Variants in SGMS1 observed in about 807,000 individuals in gnomAD.
SGMS1 encodes the protein sphingomyelin synthase 1, also known as phosphatidylcholine:ceramide cholinephosphotransferase 1.
SGMS1 carries 13 observed loss-of-function variants against 46.2 expected under a neutral mutation model. The ratio of observed to expected loss-of-function variants is 0.28; its 90% CI spans 0.18 to 0.45. The LOEUF is 0.45. Ranked by LOEUF, SGMS1 falls within the 20% of genes least tolerant of loss-of-function variation. The pLI, the probability that SGMS1 is intolerant of heterozygous loss-of-function variation, is 1.00. For missense variants in SGMS1, 324 were observed against 519.9 expected, an observed-to-expected ratio of 0.62 and a Z score of 3.66; for synonymous variants, 203 against 187.8, an observed-to-expected ratio of 1.08 and a Z score of -0.66.
At chr10:50,450,863 T>C (rs927471392) in intron 5 of SGMS1, among the ~76,000 whole-genome samples, 1 of 151,854 alleles carries the variant, frequency 6.6e-6, no homozygotes, top group African/African-American at 2.4e-5. Context: ...AAAAATATCA[T>C]TGATATAATA....
chr10:50,559,479 C>A (rs180714931), intron 2 of SGMS1, among the ~76,000 whole-genome samples: 43 of 152,336 alleles, frequency 2.8e-4, no homozygotes, highest in African/African-American at 1.0e-3. Flanking sequence ...ATATAGCTCT[C>A]TTGGCCAATT....
At chr10:50,363,739 T>A (rs1246134550) in intron 6 of SGMS1, among the ~76,000 whole-genome samples, 2 of 152,098 alleles carry the variant, frequency 1.3e-5, no homozygotes, top group Non-Finnish European at 2.9e-5. Context: ...TACCCAAGAT[T>A]TTAAGAAAAA....
At chr10:50,621,285 T>C (rs948037389) in intron 1 of SGMS1, among the ~76,000 whole-genome samples, 1 of 152,192 alleles carries the variant, frequency 6.6e-6, no homozygotes, top group Non-Finnish European at 1.5e-5. Flanking sequence ...AGCTGAAATG[T>C]AGGATCTGCC....
intron 6 of SGMS1, among the ~76,000 whole-genome samples, chr10:50,374,199 T>C (rs1208221723): frequency 6.6e-6 from 1 of 152,216 alleles, no homozygotes; most frequent in Non-Finnish European, 1.5e-5. Flanking sequence ...GCACCTACTA[T>C]GCACAAAGCA....
chr10:50,309,367 T>C (rs879084421), intron 9 of SGMS1, among the ~76,000 whole-genome samples: 2 of 152,206 alleles, frequency 1.3e-5, no homozygotes, highest in Admixed American at 1.3e-4. Flanking sequence ...CAGATGTGAA[T>C]ATCTCATTCT....
At chr10:50,579,186 A>C (rs1399579833) in intron 2 of SGMS1, among the ~76,000 whole-genome samples, 3 of 152,172 alleles carry the variant, frequency 2.0e-5, no homozygotes, top group Non-Finnish European at 4.4e-5. Flanking sequence ...TATAACAAAC[A>C]TGAAAAATTG....
At chr10:50,439,835 A>G (rs1646452562) in intron 5 of SGMS1, among the ~76,000 whole-genome samples, 2 of 152,188 alleles carry the variant, frequency 1.3e-5, no homozygotes, top group South Asian at 2.1e-4. Flanking sequence ...AAAGGCTGGC[A>G]CAGAAACTTG....
Position 50,600,444 on chromosome 10 carries a change from G to A in SGMS1, c.-683-10197C>T, listed in dbSNP as rs61076720. On this transcript the variant is annotated intron_variant, in intron 1 of 10. Coordinates refer to ENST00000361781, the MANE Select transcript of SGMS1 (RefSeq NM_147156.4). ...ACGCCCAGATGAGATCATGTCTGTG[G>A]AAGCACTCAAGGAGAATGCAAATAC... is the stretch of plus-strand genomic sequence containing the variant. Among the ~76,000 whole-genome samples, 443 of 152,286 alleles carry A rather than the reference G, an allele frequency of 2.9e-3. 3 individuals carry two copies. Among genetic ancestry groups the A allele is most frequent in the African/African-American group, 0.01 (427 of 41,558 alleles).
chr10:50,440,836 C>G (rs1849536796), intron 5 of SGMS1, among the ~76,000 whole-genome samples: 1 of 152,168 alleles, frequency 6.6e-6, no homozygotes, highest in African/African-American at 2.4e-5. Context: ...GTCTCAAACT[C>G]CTGGCTTCAA....
intron 6 of SGMS1, among the ~76,000 whole-genome samples, chr10:50,372,804 G>A (rs1848461609): frequency 6.6e-6 from 1 of 152,132 alleles, no homozygotes; most frequent in Non-Finnish European, 1.5e-5. Context: ...AAAAATCAGT[G>A]AGCCCTACTG....
intron 6 of SGMS1, among the ~76,000 whole-genome samples, chr10:50,405,080 A>G (rs1219355719): frequency 6.6e-6 from 1 of 152,218 alleles, no homozygotes; most frequent in African/African-American, 2.4e-5. Flanking sequence ...AAATGTAATA[A>G]CAGTTACAGT....
intron 2 of SGMS1, among the ~76,000 whole-genome samples, chr10:50,545,899 A>G (rs549627713): frequency 1.3e-5 from 2 of 152,318 alleles, no homozygotes; most frequent in Admixed American, 6.5e-5. Context: ...GTCATAATAA[A>G]TGATTATATT....
At chr10:50,360,995 T>C (rs1477451973) in intron 6 of SGMS1, among the ~76,000 whole-genome samples, 1 of 152,310 alleles carries the variant, frequency 6.6e-6, no homozygotes. Flanking sequence ...TTCTAAAGCA[T>C]ACCCACAGTG....
intron 3 of SGMS1, among the ~76,000 whole-genome samples, chr10:50,508,108 T>A (rs537983099): frequency 1.5e-4 from 23 of 152,350 alleles, no homozygotes; most frequent in African/African-American, 5.5e-4. Flanking sequence ...CCAAAGGTGC[T>A]GTGTGACAAC....
rs762961439 is a variant in SGMS1, at chr10:50,579,660, G to A, written c.-589+10493C>T. 2.6e-5 allele frequency among the ~76,000 whole-genome samples: 4 copies of A among 152,216 alleles called. 1 individual carries two copies. Among genetic ancestry groups the A allele is most frequent in the Admixed American group, 2.0e-4 (3 of 15,288 alleles). On this transcript the variant is annotated intron_variant, in intron 2 of 10. Coordinates refer to ENST00000361781, the MANE Select transcript of SGMS1 (RefSeq NM_147156.4). ...TCCCCAGCCACACTGTAAATTAAACGTGAATGTGACAGTCTCAGATATATA... is the reference window on the plus strand; with the variant it reads ...TCCCCAGCCACACTGTAAATTAAACATGAATGTGACAGTCTCAGATATATA...
intron 6 of SGMS1, among the ~76,000 whole-genome samples, chr10:50,367,289 T>C (rs1848362360): frequency 6.6e-6 from 1 of 152,114 alleles, no homozygotes; most frequent in Non-Finnish European, 1.5e-5. Flanking sequence ...AGTTTCAAAA[T>C]TAGCAACAAC....
chr10:50,351,448 G>A (rs750568293), intron 6 of SGMS1, among the ~76,000 whole-genome samples: 15 of 152,244 alleles, frequency 9.9e-5, no homozygotes, highest in African/African-American at 1.7e-4. Context: ...GAGATTTTGC[G>A]GGGACAGGGG....
At chr10:50,404,327 T>TTTA (rs1008773603) in intron 6 of SGMS1, among the ~76,000 whole-genome samples, 3 of 149,898 alleles carry the variant, frequency 2.0e-5, no homozygotes, top group African/African-American at 7.5e-5. Flanking sequence ...TTTTTTTTTT[T>TTTA]AAAAAGGCCA....
At chr10:50,489,443 CTACT>C (rs201397950) in intron 3 of SGMS1, among the ~76,000 whole-genome samples, 1,918 of 152,286 alleles carry the variant, frequency 0.013, 21 homozygotes, top group Admixed American at 0.018. Context: ...GCTTCTTAAC[CTACT>C]TAAATTTGGG....
Sources: gnomAD v4.1 joint callset for allele counts (sites outside exome capture counted in the v4.1 genomes callset) on GRCh38, gnomAD v4.1.1 for gene constraint, MANE v1.5 for transcripts, NCBI Gene and HGNC (gene_info 2026-07-23, HGNC 2026-07-21) for gene names.